Variants in CHST11 observed in about 807,000 individuals in gnomAD.
CHST11 encodes the protein C4S-1.
Under a neutral mutation model 30.4 loss-of-function variants are expected in CHST11, and 9 were observed. The ratio of observed to expected loss-of-function variants is 0.30; its 90% CI spans 0.18 to 0.52. CHST11 has a LOEUF of 0.52. CHST11 is among the 20% of genes least tolerant of loss of function. The pLI is 0.97. For missense variants in CHST11, 348 were observed against 460.6 expected (o/e 0.76, Z 2.24); for synonymous variants, 152 against 187.8 (o/e 0.81, Z 1.56).
chr12:104,517,890 T>G (rs1051107482), intron 1 of CHST11, among the ~76,000 whole-genome samples: 8 of 152,234 alleles, frequency 5.3e-5, no homozygotes, highest in African/African-American at 9.6e-5. Context: ...TGTCTAACAC[T>G]TTTTGAATAC....
chr12:104,756,553 G>GTGTGTGTGTGTGTA (rs1555250390), intron 2 of CHST11, among the ~76,000 whole-genome samples: 6 of 151,782 alleles, frequency 4.0e-5, no homozygotes, highest in Admixed American at 2.6e-4. Context: ...GTGTGTGTGT[G>GTGTGTGTGTGTGTA]TGTGTGTGTT....
At chr12:104,661,034 A>G (rs1237872356) in intron 2 of CHST11, among the ~76,000 whole-genome samples, 1 of 152,162 alleles carries the variant, frequency 6.6e-6, no homozygotes, top group Non-Finnish European at 1.5e-5. Context: ...CCAGACTGCC[A>G]TGAGCCTGGG....
intron 2 of CHST11, among the ~76,000 whole-genome samples, chr12:104,634,712 C>T (rs746196926): frequency 9.2e-5 from 14 of 152,188 alleles, no homozygotes; most frequent in Non-Finnish European, 1.8e-4. Context: ...AGGGGTCTTC[C>T]CTGTTTGGGG....
In CHST11 at chr12:104,574,072, A is replaced by G. The variant is rs528496388; in HGVS notation, c.119-27834A>G. Among the ~76,000 whole-genome samples, 51 of 152,244 alleles carry G rather than the reference A, an allele frequency of 3.3e-4. 1 individual carries two copies. The highest frequency in any genetic ancestry group is 6.5e-4 in the Non-Finnish European group (44 of 68,046). Reference sequence around the variant, plus strand: ...GAAGGATATGAACAGACACTTCTCAAAAGAAGACATTTATGCAGCCAAAAG... The same window carrying G: ...GAAGGATATGAACAGACACTTCTCAGAAGAAGACATTTATGCAGCCAAAAG... On this transcript the variant is annotated intron_variant, in intron 1 of 2. Coordinates refer to ENST00000303694, the MANE Select transcript of CHST11 (RefSeq NM_018413.6).
intron 1 of CHST11, among the ~76,000 whole-genome samples, chr12:104,592,898 T>C (rs2038874219): frequency 6.6e-6 from 1 of 152,214 alleles, no homozygotes; most frequent in Non-Finnish European, 1.5e-5. Flanking sequence ...ATGGGTTGGC[T>C]GCTGGGGCCA....
chr12:104,634,753 T>A (rs1399660165), intron 2 of CHST11, among the ~76,000 whole-genome samples: 2 of 152,206 alleles, frequency 1.3e-5, no homozygotes, highest in African/African-American at 4.8e-5. Context: ...TCACCATTGC[T>A]TTTAACCCAG....
Position 104,457,125 on chromosome 12 carries a change from C to A in CHST11, c.-287C>A, listed in dbSNP as rs1192399624. The stretch of plus-strand genomic sequence containing the variant: ...CGGCCCGCGACCAGGCAGCGGCGGC[C>A]GCCGGCGGGATCGGAGGAGGCGGCG... On this transcript the variant is annotated 5_prime_UTR_variant, in exon 1 of 3. Coordinates refer to ENST00000303694, the MANE Select transcript of CHST11 (RefSeq NM_018413.6). The A allele has an allele frequency of 2.4e-5, 6 of 251,688 alleles. No individual in the cohort carries two copies. Among genetic ancestry groups the A allele is most frequent in the Middle Eastern group, 1.1e-3 (1 of 880 alleles). The allele number at this position is 251,688 out of a possible 1,614,324, so 15.6% of individuals were successfully genotyped here. A position where few individuals can be genotyped will look rare whatever the true frequency, so the allele number is the denominator to read the frequency against.
intron 2 of CHST11, among the ~76,000 whole-genome samples, chr12:104,606,913 C>G (rs546564912): frequency 1.3e-5 from 2 of 151,920 alleles, no homozygotes; most frequent in Admixed American, 6.6e-5. Context: ...ACCAAAAATA[C>G]AAAAATTCGC....
At chr12:104,539,990 G>A (rs1317973839) in intron 1 of CHST11, among the ~76,000 whole-genome samples, 1 of 152,060 alleles carries the variant, frequency 6.6e-6, no homozygotes, top group Non-Finnish European at 1.5e-5. Flanking sequence ...AGGTGTCTTA[G>A]TATTTATTTG....
chr12:104,732,092 G>A (rs950178167), intron 2 of CHST11, among the ~76,000 whole-genome samples: 25 of 152,240 alleles, frequency 1.6e-4, no homozygotes, highest in African/African-American at 4.6e-4. Flanking sequence ...AGAGGATTGC[G>A]CTGCTGGTGG....
intron 2 of CHST11, among the ~76,000 whole-genome samples, chr12:104,697,481 G>A (rs918653836): frequency 2.6e-5 from 4 of 152,052 alleles, no homozygotes; most frequent in Admixed American, 1.3e-4. Context: ...TCCGGCCCTC[G>A]TATCCAGACT....
At chr12:104,656,713 A>G (rs2039547758) in intron 2 of CHST11, among the ~76,000 whole-genome samples, 1 of 152,204 alleles carries the variant, frequency 6.6e-6, no homozygotes, top group South Asian at 2.1e-4. Context: ...TGAGACACAG[A>G]TACACACTCA....
intron 1 of CHST11, chr12:104,591,846 A>G (rs1456488469): frequency 1.3e-5 from 2 of 154,166 alleles, no homozygotes; most frequent in Non-Finnish European, 2.9e-5. Context: ...CACACATAGT[A>G]AGGATAGTAC....
chr12:104,592,624 C>T (rs1468389538), intron 1 of CHST11, among the ~76,000 whole-genome samples: 4 of 152,168 alleles, frequency 2.6e-5, no homozygotes, highest in African/African-American at 4.8e-5. Context: ...TAGCACTTTG[C>T]GTCCTGCCAT....
intron 1 of CHST11, among the ~76,000 whole-genome samples, chr12:104,595,327 T>C (rs1441624827): frequency 6.6e-6 from 1 of 152,136 alleles, no homozygotes. Flanking sequence ...TAGAGATTGT[T>C]CTCACAGCTA....
intron 2 of CHST11, among the ~76,000 whole-genome samples, chr12:104,637,335 A>AG (rs959610226): frequency 9.5e-4 from 45 of 47,554 alleles, no homozygotes; most frequent in East Asian, 3.8e-3. Context: ...AAAAAAAAAA[A>AG]GGGGGTTGGG....
intron 1 of CHST11, among the ~76,000 whole-genome samples, chr12:104,531,592 C>T (rs1309567798): frequency 6.6e-6 from 1 of 151,970 alleles, no homozygotes; most frequent in Non-Finnish European, 1.5e-5. Flanking sequence ...ATTCTTTCTT[C>T]TTTTCAGTCC....
intron 2 of CHST11, among the ~76,000 whole-genome samples, chr12:104,697,349 G>C (rs2039956284): frequency 6.6e-6 from 1 of 152,224 alleles, no homozygotes; most frequent in Non-Finnish European, 1.5e-5. Flanking sequence ...GAGTAAAGAA[G>C]AGCTTCCTCT....
intron 2 of CHST11, among the ~76,000 whole-genome samples, chr12:104,631,704 A>C (rs1170436224): frequency 1.3e-5 from 2 of 152,208 alleles, no homozygotes; most frequent in Non-Finnish European, 2.9e-5. Flanking sequence ...GACTGGCTAC[A>C]TGATTTGCAG....
Sources: gnomAD v4.1 joint callset for allele counts (sites outside exome capture counted in the v4.1 genomes callset) on GRCh38, gnomAD v4.1.1 for gene constraint, MANE v1.5 for transcripts, NCBI Gene and HGNC (gene_info 2026-07-23, HGNC 2026-07-21) for gene names.